CRX: variants seen among roughly 807,000 people sequenced by gnomAD.
CRX encodes cone-rod homeobox, also known as cone-rod homeobox protein.
Under a neutral mutation model 13.1 loss-of-function variants are expected in CRX, and 5 were observed. The ratio of observed to expected loss-of-function variants is 0.38; its 90% CI spans 0.20 to 0.80. The LOEUF (loss-of-function observed/expected upper bound fraction) is 0.80. Among genes scored for constraint, CRX ranks in the 30% least tolerant of loss-of-function variants. The pLI is 0.43. For synonymous variants in CRX, 179 were observed against 171.1 expected, an observed-to-expected ratio of 1.05 and a Z score of -0.36; for missense variants, 351 against 391.8, an observed-to-expected ratio of 0.90 and a Z score of 0.88.
rs751790087 is a variant in CRX, at chr19:47,839,860, G to C, written c.793G>C (p.Asp265His). 6.2e-7 allele frequency: 1 copy of C among 1,613,976 alleles called. No homozygotes were observed. Among genetic ancestry groups the C allele is most frequent in the Admixed American group, 1.7e-5 (1 of 59,984 alleles). ...GAGCTATGGCGCCTACAGCCCCGTG[G>C]ATAGCTTGGAATTCAAGGACCCCAC... is the stretch of plus-strand genomic sequence containing the variant. ...GQSYGAYSPV[D>H]SLEFKDPTGT... is the part of the protein sequence containing the mutation. Residue 265 changes from aspartate to histidine, a missense_variant, in exon 4 of 4, where the codon GAT becomes CAT. Physicochemically the swap from Asp to His is moderately conservative, Grantham distance 81. Transcript: ENST00000221996. This position sits in a 1 kb window ranked among gnomAD's most constrained non-coding sequence, Gnocchi z 4.6.
At chr19:47,837,670 A>C (rs1968134379) in intron 3 of CRX, among the ~76,000 whole-genome samples, 1 of 152,176 alleles carries the variant, frequency 6.6e-6, no homozygotes, top group Admixed American at 6.5e-5. Flanking sequence ...ATGAACATGC[A>C]TATGATGTAT....
chr19:47,837,967 T>A (rs1342672184), intron 3 of CRX, among the ~76,000 whole-genome samples: 1 of 152,102 alleles, frequency 6.6e-6, no homozygotes, highest in Non-Finnish European at 1.5e-5. Context: ...TGTATGTTTG[T>A]ATGCTGTAGG....
At chr19:47,827,379 A>T (rs775409505) in intron 1 of CRX, among the ~76,000 whole-genome samples, 1 of 150,842 alleles carries the variant, frequency 6.6e-6, no homozygotes, top group Non-Finnish European at 1.5e-5. Context: ...TCCAGCCTCC[A>T]AGCCTTTGCA....
intron 1 of CRX, among the ~76,000 whole-genome samples, chr19:47,833,828 G>T (rs1035205412): frequency 1.1e-4 from 16 of 151,696 alleles, no homozygotes; most frequent in African/African-American, 3.9e-4. Context: ...GATTTGTTTT[G>T]TTTTTTTCTT....
Position 47,839,169 on chromosome 19 carries a change from T to C in CRX, c.253-151T>C. 1 of 771,054 alleles carries C rather than the reference T, an allele frequency of 1.3e-6. No individual in the cohort carries two copies. The highest frequency in any genetic ancestry group is 1.7e-5 in the African/African-American group (1 of 57,760). The allele number at this position is 771,054 out of a possible 1,614,324, so 47.8% of individuals were successfully genotyped here. Reference sequence around the variant, plus strand: ...ATGATTGGATGGATAGATGGATGGATGGGTGAATAGACGCCCCACAGCTGG... The same window carrying C: ...ATGATTGGATGGATAGATGGATGGACGGGTGAATAGACGCCCCACAGCTGG... On this transcript the variant is annotated intron_variant, in intron 3 of 3. Coordinates refer to ENST00000221996, the MANE Select transcript of CRX (RefSeq NM_000554.6). This position sits in a 1 kb window ranked among gnomAD's most constrained non-coding sequence, Gnocchi z 4.6.
Position 47,840,305 on chromosome 19 carries a change from T to C in CRX, c.*338T>C, listed in dbSNP as rs1215861627. On this transcript the variant is annotated 3_prime_UTR_variant, in exon 4 of 4. Transcript: ENST00000221996. ...GAAGTCAAACCAAACTTGCAGTTGA[T>C]TTGGGGTCATGTTTAGGTCAGAATC... The C allele has an allele frequency of 2.1e-5, 7 of 341,064 alleles. No individual in the cohort carries two copies. The highest frequency in any genetic ancestry group is 3.9e-5 in the Non-Finnish European group (7 of 180,302). 21.1% of individuals were successfully genotyped at this position (341,064 alleles called of 1,614,324 possible).
rs563196619 is a variant in CRX at position 47,839,251 on chromosome 19, C to A, written c.253-69C>A. 2.0e-6 allele frequency: 3 copies of A among 1,534,122 alleles called. No individual in the cohort carries two copies. In the Admixed American group the frequency reaches 5.7e-5, roughly 29 times the overall value. ...TCTCACCAATAAGTGTCCTCATCCC[C>A]GGGCACCCTGCGGCTCTCCTGGGCC... On this transcript the variant is annotated intron_variant, in intron 3 of 3. Coordinates refer to ENST00000221996, the MANE Select transcript of CRX (RefSeq NM_000554.6). The surrounding 1 kb of genome is among the most constrained non-coding windows in gnomAD (Gnocchi z 4.6).
intron 3 of CRX, 73 bp downstream of exon 3, chr19:47,836,467 G>T: frequency 6.3e-7 from 1 of 1,587,870 alleles, no homozygotes. Context: ...AACAAAGAGT[G>T]ATGGGAGGAG....
intron 2 of CRX, among the ~76,000 whole-genome samples, 172 bp from the exon 3 acceptor site, chr19:47,836,071 G>A (rs1226765268): frequency 6.6e-6 from 1 of 152,202 alleles, no homozygotes; most frequent in Admixed American, 6.5e-5. Flanking sequence ...TCAGGCATGA[G>A]CCACAGAGTG....
chr19:47,822,047 G>A (rs911063756), intron 1 of CRX, 37 bp downstream of exon 1: 1 of 152,890 alleles, frequency 6.5e-6, no homozygotes, highest in Non-Finnish European at 1.5e-5. Context: ...GGACCGAGGA[G>A]GGGAGAAAAA....
Position 47,841,587 on chromosome 19 carries a change from T to C in CRX, c.*1620T>C, listed in dbSNP as rs894745359. The C allele has an allele frequency of 4.0e-5, 6 of 150,362 alleles. No individual in the cohort carries two copies. Among genetic ancestry groups the C allele is most frequent in the African/African-American group, 1.2e-4 (5 of 41,176 alleles). 9.3% of individuals were successfully genotyped at this position (150,362 alleles called of 1,614,324 possible). A position where few individuals can be genotyped will look rare whatever the true frequency, so the allele number is the denominator to read the frequency against. ...CTTTTTTAGATTTTTTTTTTTTTTT[T>C]TTTGGTTTTCAGTTTTGATGGTGGG... is the stretch of plus-strand genomic sequence containing the variant. On this transcript the variant is annotated 3_prime_UTR_variant, in exon 4 of 4. Transcript: ENST00000221996.
chr19:47,840,167 C>T lies in CRX; in HGVS notation c.*200C>T. On this transcript the variant is annotated 3_prime_UTR_variant, in exon 4 of 4. Coordinates refer to ENST00000221996, the MANE Select transcript of CRX (RefSeq NM_000554.6). ...GGCTCCTCCCTCTCCTGGGACAGCT[C>T]ACAGGTCCTAGTGATTCTCTCAACC... The T allele has an allele frequency of 3.3e-6, 2 of 615,130 alleles. No individual in the cohort carries two copies. The highest frequency in any genetic ancestry group is 5.7e-6 in the Non-Finnish European group (2 of 349,732). 38.1% of individuals were successfully genotyped at this position (615,130 alleles called of 1,614,324 possible).
chr19:47,829,968 G>A lies in CRX; in HGVS notation c.-35-4441G>A, dbSNP rs1293535466. Among the ~76,000 whole-genome samples the A allele has an allele frequency of 4.0e-5, 6 of 151,090 alleles. No individual in the cohort carries two copies. The East Asian group carries it at 1.2e-3, about 29-fold the overall frequency. On this transcript the variant is annotated intron_variant, in intron 1 of 3. Transcript: ENST00000221996. Reference sequence around the variant, plus strand: ...TGTTTTAAAAATCACAAATGGTTGCGAGGTATACATACTGCCCAGCACCAT... The same window carrying A: ...TGTTTTAAAAATCACAAATGGTTGCAAGGTATACATACTGCCCAGCACCAT...
In CRX at chr19:47,839,774, C is replaced by G. The variant is rs768972244; in HGVS notation, c.707C>G (p.Pro236Arg). ...CAGCTAGGGGGCCCGGCTCTTAGCC[C>G]CCTCTCTGGCCCCTCCGTGGGACCT... ...VPQLGGPALS[P>R]LSGPSVGPSL... is the part of the protein sequence containing the mutation. Residue 236 changes from proline to arginine, a missense_variant, in exon 4 of 4, where the codon CCC becomes CGC. By Grantham distance (103) the Pro-to-Arg change is moderately radical. Transcript: ENST00000221996. The surrounding 1 kb of genome is among the most constrained non-coding windows in gnomAD (Gnocchi z 4.6). The G allele has an allele frequency of 6.2e-7, 1 of 1,614,134 alleles. No individual in the cohort carries two copies. Among genetic ancestry groups the G allele is most frequent in the Non-Finnish European group, 8.5e-7 (1 of 1,179,996 alleles).
chr19:47,839,585 A>G lies in CRX; in HGVS notation c.518A>G (p.Glu173Gly). 6.2e-7 allele frequency: 1 copy of G among 1,612,304 alleles called. No homozygotes were observed. Among genetic ancestry groups the G allele is most frequent in the East Asian group, 2.2e-5 (1 of 44,828 alleles). Reference sequence around the variant, plus strand: ...CCAGCCTCAGAGTCCCCTTTGCCTGAGGCGCAGCGGGCTGGGCTGGTGGCC... The same window carrying G: ...CCAGCCTCAGAGTCCCCTTTGCCTGGGGCGCAGCGGGCTGGGCTGGTGGCC... ...WSPASESPLP[E>G]AQRAGLVASG... The change falls in exon 4 of 4, where the codon GAG becomes GGG. Residue 173 changes from glutamate to glycine, a missense_variant. Physicochemically the swap from Glu to Gly is moderately conservative, Grantham distance 98. Coordinates refer to ENST00000221996, the MANE Select transcript of CRX (RefSeq NM_000554.6). The surrounding 1 kb of genome is among the most constrained non-coding windows in gnomAD (Gnocchi z 4.6).
chr19:47,836,117 G>A, intron 2 of CRX, 126 bp from the exon 3 acceptor site: 1 of 1,191,482 alleles, frequency 8.4e-7, no homozygotes, highest in East Asian at 2.4e-5. Flanking sequence ...GGCAGGGAAT[G>A]TGTATTCCAT....
intron 3 of CRX, among the ~76,000 whole-genome samples, chr19:47,836,953 T>A (rs973110398): frequency 1.3e-5 from 2 of 152,148 alleles, no homozygotes; most frequent in Non-Finnish European, 2.9e-5. Flanking sequence ...ACTGTAGGTG[T>A]GCGTGTGCAT....
intron 1 of CRX, among the ~76,000 whole-genome samples, chr19:47,825,130 A>G (rs1244721212): frequency 6.6e-6 from 1 of 151,420 alleles, no homozygotes; most frequent in East Asian, 1.9e-4. Context: ...AGCTGGGACA[A>G]CACCATGCCC....
At chr19:47,831,008 T>A (rs978904998) in intron 1 of CRX, among the ~76,000 whole-genome samples, 5 of 151,842 alleles carry the variant, frequency 3.3e-5, no homozygotes, top group African/African-American at 2.4e-5. Flanking sequence ...GTCTAGACTC[T>A]AATCAATAAT....
Sources: gnomAD v4.1 joint callset for allele counts (sites outside exome capture counted in the v4.1 genomes callset) on GRCh38, gnomAD v4.1.1 for gene constraint, Gnocchi (gnomAD v3.1) non-coding constraint, MANE v1.5 for transcripts, NCBI Gene and HGNC (gene_info 2026-07-23, HGNC 2026-07-21) for gene names.